The following MGAT5 variants were observed in gnomAD, a reference collection of about 807,000 sequenced individuals.
MGAT5 encodes alpha-1,6-mannosylglycoprotein 6-beta-N-acetylglucosaminyltransferase.
Under a neutral mutation model 94.3 loss-of-function variants are expected in MGAT5, and 30 were observed. That is an observed-to-expected ratio of 0.32 (90% CI 0.24 to 0.43). The LOEUF is 0.43. Among genes scored for constraint, MGAT5 ranks in the 20% least tolerant of loss-of-function variants. MGAT5 has a pLI of 1.00. For missense variants in MGAT5, 691 were observed against 905.5 expected, an observed-to-expected ratio of 0.76 and a Z score of 3.04; for synonymous variants, 310 against 322.9, an observed-to-expected ratio of 0.96 and a Z score of 0.43.
intron 6 of MGAT5, among the ~76,000 whole-genome samples, chr2:134,339,396 A>G (rs1196514057): frequency 2.0e-5 from 3 of 152,240 alleles, no homozygotes; most frequent in Non-Finnish European, 4.4e-5. Flanking sequence ...ATCTATGTAT[A>G]CATAAAGATA....
At chr2:134,235,808 A>G (rs1038097864) in intron 1 of MGAT5, among the ~76,000 whole-genome samples, 3 of 151,856 alleles carry the variant, frequency 2.0e-5, no homozygotes, top group African/African-American at 7.3e-5. Context: ...GGCAAGTGAC[A>G]TAGATTTAGT....
At chr2:134,333,466 G>A (rs1037566962) in intron 4 of MGAT5, among the ~76,000 whole-genome samples, 2 of 150,440 alleles carry the variant, frequency 1.3e-5, no homozygotes, top group Non-Finnish European at 3.0e-5. Context: ...GATAGCATTA[G>A]GAGATATATC....
intron 1 of MGAT5, among the ~76,000 whole-genome samples, chr2:134,149,822 AG>A (rs1243889982): frequency 6.6e-6 from 1 of 152,228 alleles, no homozygotes; most frequent in East Asian, 1.9e-4. Flanking sequence ...TCTAAGGCTG[AG>A]GGGCCTGGGG....
intron 1 of MGAT5, among the ~76,000 whole-genome samples, chr2:134,265,765 G>A (rs906759089): frequency 3.3e-5 from 5 of 151,988 alleles, no homozygotes; most frequent in Non-Finnish European, 5.9e-5. Flanking sequence ...ACTATAAGAC[G>A]CAATGAAATA....
chr2:134,332,161 G>A (rs1688012676), intron 4 of MGAT5, among the ~76,000 whole-genome samples: 1 of 151,848 alleles, frequency 6.6e-6, no homozygotes, highest in African/African-American at 2.4e-5. Flanking sequence ...CAAAGCTGGA[G>A]GCATCACGCT....
chr2:134,437,881 G>T (rs1347359876), intron 14 of MGAT5, among the ~76,000 whole-genome samples: 1 of 152,048 alleles, frequency 6.6e-6, no homozygotes, highest in Non-Finnish European at 1.5e-5. Context: ...TGCGTGTGAT[G>T]GCATGTACCT....
chr2:134,431,446 G>A (rs1684868740), intron 14 of MGAT5, among the ~76,000 whole-genome samples: 1 of 152,172 alleles, frequency 6.6e-6, no homozygotes, highest in Admixed American at 6.5e-5. Context: ...AAGGAAGATA[G>A]GAAGCCAAGA....
intron 1 of MGAT5, among the ~76,000 whole-genome samples, chr2:134,198,051 G>T (rs1312169476): frequency 6.6e-6 from 1 of 152,160 alleles, no homozygotes; most frequent in Admixed American, 6.5e-5. Flanking sequence ...GAGCAATAAG[G>T]ATCCAGTATA....
At chr2:134,335,618 C>G (rs1434919019) in intron 4 of MGAT5, among the ~76,000 whole-genome samples, 1 of 146,782 alleles carries the variant, frequency 6.8e-6, no homozygotes, top group Non-Finnish European at 1.5e-5. Flanking sequence ...TTTTTTTTTT[C>G]TCCTCCTTTC....
intron 1 of MGAT5, among the ~76,000 whole-genome samples, chr2:134,204,710 A>G (rs1336895034): frequency 6.6e-6 from 1 of 152,148 alleles, no homozygotes; most frequent in African/African-American, 2.4e-5. Flanking sequence ...TTTTAAGAGG[A>G]CTTGATATTG....
intron 1 of MGAT5, among the ~76,000 whole-genome samples, chr2:134,149,045 G>A (rs1337046866): frequency 2.0e-5 from 3 of 152,204 alleles, no homozygotes; most frequent in South Asian, 2.1e-4. Flanking sequence ...GATTACAGCC[G>A]TGAGCCACCG....
intron 10 of MGAT5, among the ~76,000 whole-genome samples, chr2:134,398,491 G>A (rs1211551683): frequency 3.3e-5 from 5 of 152,274 alleles, no homozygotes; most frequent in Middle Eastern, 3.4e-3. Flanking sequence ...GGGAACTGAC[G>A]TCCAGGAGAA....
chr2:134,177,262 T>C (rs1688516966), intron 1 of MGAT5, among the ~76,000 whole-genome samples: 1 of 151,250 alleles, frequency 6.6e-6, no homozygotes, highest in Non-Finnish European at 1.5e-5. Context: ...GGGAATGACC[T>C]CTTTAAAGAA....
intron 13 of MGAT5, 105 bp from the exon 14 acceptor site, chr2:134,428,260 C>T (rs183716732): frequency 9.2e-5 from 92 of 1,001,324 alleles, no homozygotes; most frequent in East Asian, 5.0e-4. Context: ...CTCATGAGGC[C>T]GACTCCTGGT....
At position 134,386,606 on chromosome 2, in the gene MGAT5, A is replaced by T. The variant is rs550682570; in HGVS notation, c.1381-16382A>T. On this transcript the variant is annotated intron_variant, in intron 10 of 15. Transcript: ENST00000281923. Reference sequence around the variant, plus strand: ...CTGAAGCTCTAGCCATTAGGGCCTCAATTCACTTAGGAGGCAAAAGCAAGA... The same window carrying T: ...CTGAAGCTCTAGCCATTAGGGCCTCTATTCACTTAGGAGGCAAAAGCAAGA... Among the ~76,000 whole-genome samples, 4 of 152,340 alleles carry T rather than the reference A, an allele frequency of 2.6e-5. No homozygotes were observed. The South Asian group carries it at 6.2e-4, about 24-fold the overall frequency.
intron 10 of MGAT5, among the ~76,000 whole-genome samples, chr2:134,395,269 T>A (rs1416211056): frequency 6.6e-6 from 1 of 152,236 alleles, no homozygotes; most frequent in African/African-American, 2.4e-5. Context: ...GCCAAAGGGT[T>A]TCTTGTTTTC....
At chr2:134,445,264 T>C (rs1485376124) in intron 15 of MGAT5, among the ~76,000 whole-genome samples, 1 of 152,144 alleles carries the variant, frequency 6.6e-6, no homozygotes, top group South Asian at 2.1e-4. Flanking sequence ...AGGGCAGAAG[T>C]CATCCAGGGA....
intron 1 of MGAT5, among the ~76,000 whole-genome samples, chr2:134,155,295 G>A (rs1034087184): frequency 1.3e-5 from 2 of 152,304 alleles, no homozygotes; most frequent in East Asian, 1.9e-4. Context: ...CTGTCTGCAC[G>A]GCATCCACAT....
chr2:134,238,924 C>T (rs889451102), intron 1 of MGAT5, among the ~76,000 whole-genome samples: 5 of 152,114 alleles, frequency 3.3e-5, no homozygotes, highest in Admixed American at 6.5e-5. Context: ...CCAGCCTGGG[C>T]GACAAGAGTG....
Sources: gnomAD v4.1 joint callset for allele counts (sites outside exome capture counted in the v4.1 genomes callset) on GRCh38, gnomAD v4.1.1 for gene constraint, MANE v1.5 for transcripts, NCBI Gene and HGNC (gene_info 2026-07-23, HGNC 2026-07-21) for gene names.